Variants in CILK1 observed in about 807,000 individuals in gnomAD.
CILK1 encodes serine/threonine-protein kinase ICK.
A neutral mutation model predicts 79.2 loss-of-function variants in CILK1; 47 were observed. That is an observed-to-expected ratio of 0.59 (90% confidence interval 0.47 to 0.76). CILK1 has a LOEUF of 0.76. Ranked by LOEUF, CILK1 falls within the 30% of genes least tolerant of loss-of-function variation. CILK1 has a pLI of 0.00. For missense variants in CILK1, 660 were observed against 769.5 expected (o/e 0.86, Z 1.68); for synonymous variants, 266 against 275.9 (o/e 0.96, Z 0.36).
At chr6:53,024,433 C>G (rs984117770) in intron 5 of CILK1, among the ~76,000 whole-genome samples, 1 of 152,200 alleles carries the variant, frequency 6.6e-6, no homozygotes, top group Non-Finnish European at 1.5e-5. Flanking sequence ...GGTGACATCT[C>G]TAAGACTTAG....
chr6:53,050,958 C>CT (rs376492768), intron 1 of CILK1, among the ~76,000 whole-genome samples: 53 of 152,034 alleles, frequency 3.5e-4, no homozygotes, highest in African/African-American at 1.2e-3. Flanking sequence ...ACTATAAGGC[C>CT]CTACGTTCAG....
chr6:53,037,908 A>AT, intron 3 of CILK1, 31 bp downstream of exon 3: 1 of 1,266,288 alleles, frequency 7.9e-7, no homozygotes. Context: ...TTAATCATCC[A>AT]TAAATTATTC....
At chr6:53,046,891 T>C (rs1253823125) in intron 1 of CILK1, among the ~76,000 whole-genome samples, 5 of 151,926 alleles carry the variant, frequency 3.3e-5, no homozygotes, top group Admixed American at 6.6e-5. Flanking sequence ...AGAGAAGAGG[T>C]AGTATTGAGA....
At chr6:53,012,708 A>C (rs1003432945) in intron 9 of CILK1, among the ~76,000 whole-genome samples, 1 of 152,218 alleles carries the variant, frequency 6.6e-6, no homozygotes, top group Non-Finnish European at 1.5e-5. Flanking sequence ...TTCCATACAC[A>C]TACCACTTCT....
At chr6:53,040,376 C>T (rs181471196) in intron 2 of CILK1, among the ~76,000 whole-genome samples, 3 of 152,354 alleles carry the variant, frequency 2.0e-5, no homozygotes, top group Admixed American at 6.5e-5. Flanking sequence ...AAGCAAATTG[C>T]CATGTTGTAA....
At chr6:53,007,334 G>T (rs1764288154) in intron 12 of CILK1, among the ~76,000 whole-genome samples, 1 of 152,140 alleles carries the variant, frequency 6.6e-6, no homozygotes, top group African/African-American at 2.4e-5. Flanking sequence ...GGTGTATTTT[G>T]TACTTTGGTG....
intron 3 of CILK1, among the ~76,000 whole-genome samples, chr6:53,033,271 A>G (rs574901415): frequency 6.6e-6 from 1 of 152,308 alleles, no homozygotes; most frequent in Admixed American, 6.5e-5. Flanking sequence ...AAGAACAACG[A>G]AGGCAAAAAG....
At chr6:53,022,856 A>C (rs565445415) in intron 5 of CILK1, among the ~76,000 whole-genome samples, 41 of 152,184 alleles carry the variant, frequency 2.7e-4, no homozygotes, top group Non-Finnish European at 5.1e-4. Context: ...AATGCAATGG[A>C]CATGACTCTT....
At chr6:53,048,388 G>A (rs943911311) in intron 1 of CILK1, among the ~76,000 whole-genome samples, 6 of 152,128 alleles carry the variant, frequency 3.9e-5, no homozygotes, top group Non-Finnish European at 7.4e-5. Flanking sequence ...CACTCTTTGA[G>A]CTTTCTATTA....
chr6:53,002,990 A>G lies in CILK1; in HGVS notation c.*2159T>C, dbSNP rs1764014092. 6.5e-6 allele frequency: 1 copy of G among 152,694 alleles called. No individual in the cohort carries two copies. The highest frequency in any genetic ancestry group is 2.4e-5 in the African/African-American group (1 of 41,476). The allele number at this position is 152,694 out of a possible 1,614,324, so 9.5% of individuals were successfully genotyped here. On this transcript the variant is annotated 3_prime_UTR_variant, in exon 14 of 14. Transcript: ENST00000676107. ...TCCAGCAAGCTGGGCCAGGTTTCAC[A>G]TTAATTTACTTTTCATATATAATAC...
Position 53,004,918 on chromosome 6 carries a change from G to A in CILK1, c.*231C>T, listed in dbSNP as rs182831253. 154 of 447,228 alleles carry A rather than the reference G, an allele frequency of 3.4e-4. No homozygotes were observed. The highest frequency in any genetic ancestry group is 5.5e-4 in the Non-Finnish European group (139 of 251,804). 27.7% of individuals were successfully genotyped at this position (447,228 alleles called of 1,614,324 possible). On this transcript the variant is annotated 3_prime_UTR_variant, in exon 14 of 14. Transcript: ENST00000676107. ...ATGCTGTTGTTTAAGAAAATAATGG[G>A]ACCCAGTTTTAGAATAAAATAATTT...
intron 12 of CILK1, among the ~76,000 whole-genome samples, chr6:53,008,318 T>C (rs1180976007): frequency 6.6e-6 from 1 of 151,914 alleles, no homozygotes. Flanking sequence ...ATGAAGTTTA[T>C]ACAAACCTAA....
At chr6:53,053,607 T>C (rs570527428) in intron 1 of CILK1, among the ~76,000 whole-genome samples, 2 of 152,358 alleles carry the variant, frequency 1.3e-5, no homozygotes, top group East Asian at 3.9e-4. Flanking sequence ...CCAGGCTGAC[T>C]GTACCAAACT....
At chr6:53,020,325 C>T (rs1252767544) in intron 5 of CILK1, among the ~76,000 whole-genome samples, 1 of 152,304 alleles carries the variant, frequency 6.6e-6, no homozygotes, top group East Asian at 1.9e-4. Flanking sequence ...CCTCCCACTT[C>T]CTGAGAGTAT....
chr6:53,060,969 T>G (rs1164589990), intron 1 of CILK1: 1 of 152,190 alleles, frequency 6.6e-6, no homozygotes, highest in Non-Finnish European at 1.5e-5. Context: ...TAAAATTCAG[T>G]GTGGAATTCC....
intron 9 of CILK1, among the ~76,000 whole-genome samples, chr6:53,013,433 T>C (rs536166475): frequency 5.9e-5 from 9 of 152,330 alleles, no homozygotes; most frequent in African/African-American, 1.9e-4. Flanking sequence ...TCCCAGCCAC[T>C]ACCCTATAGC....
chr6:53,008,027 C>A (rs1233984792), intron 12 of CILK1, among the ~76,000 whole-genome samples: 4 of 151,426 alleles, frequency 2.6e-5, no homozygotes, highest in Non-Finnish European at 5.9e-5. Flanking sequence ...CCAGAGGAAT[C>A]CTCACACATG....
chr6:53,022,937 AT>A (rs35108351), intron 5 of CILK1, among the ~76,000 whole-genome samples: 1,719 of 143,824 alleles, frequency 0.012, 23 homozygotes, highest in African/African-American at 0.036. Flanking sequence ...TATGTTAACC[AT>A]TTTTTTTTTT....
In CILK1 at chr6:53,056,540, G is replaced by A. The variant is rs531281654; in HGVS notation, c.-173+5056C>T. ...ATAGTTTGTCAAGCCCTGAAGATGA[G>A]GAAATCCCCCAAATAAGCAGAAGCA... On this transcript the variant is annotated intron_variant, in intron 1 of 13. Coordinates refer to ENST00000676107, the MANE Select transcript of CILK1 (RefSeq NM_014920.5). Among the ~76,000 whole-genome samples the A allele has an allele frequency of 2.6e-5, 4 of 152,296 alleles. No individual in the cohort carries two copies. The East Asian group carries it at 7.7e-4, about 29-fold the overall frequency.
Sources: gnomAD v4.1 joint callset for allele counts (sites outside exome capture counted in the v4.1 genomes callset) on GRCh38, gnomAD v4.1.1 for gene constraint, MANE v1.5 for transcripts, NCBI Gene and HGNC (gene_info 2026-07-23, HGNC 2026-07-21) for gene names.